PHF21A: variants seen among roughly 807,000 people sequenced by gnomAD.
The protein encoded by PHF21A is BHC80a.
Under a neutral mutation model 82.5 loss-of-function variants are expected in PHF21A, and 11 were observed. That is an observed-to-expected ratio of 0.13 (90% CI 0.08 to 0.22). PHF21A has a LOEUF of 0.22. Ranked by LOEUF, PHF21A falls within the 10% of genes least tolerant of loss-of-function variation. The probability of loss-of-function intolerance (pLI) is 1.00; values close to 1 mark genes in which losing one functional copy is unlikely to be tolerated. For missense variants in PHF21A, 579 were observed against 837.8 expected (o/e 0.69, Z 3.81); for synonymous variants, 297 against 302.8 (o/e 0.98, Z 0.20).
At chr11:46,068,055 GCA>G (rs2096614700) in intron 6 of PHF21A, among the ~76,000 whole-genome samples, 1 of 152,108 alleles carries the variant, frequency 6.6e-6, no homozygotes, top group Admixed American at 6.5e-5. Flanking sequence ...TGTGAAGAAG[GCA>G]CAGTCTTGAG....
chr11:45,949,325 T>C, intron 13 of PHF21A, 77 bp downstream of exon 13: 1 of 1,206,106 alleles, frequency 8.3e-7, no homozygotes, highest in East Asian at 2.3e-5. Context: ...TTCAGCAGGT[T>C]TTCAGAGGGG....
At chr11:46,036,480 T>C (rs2096006590) in intron 6 of PHF21A, among the ~76,000 whole-genome samples, 1 of 152,216 alleles carries the variant, frequency 6.6e-6, no homozygotes, top group African/African-American at 2.4e-5. Flanking sequence ...AAGAGAATTA[T>C]AGTAAATTTA....
At chr11:46,037,863 G>C (rs1300176765) in intron 6 of PHF21A, among the ~76,000 whole-genome samples, 2 of 151,844 alleles carry the variant, frequency 1.3e-5, no homozygotes, top group Non-Finnish European at 2.9e-5. Context: ...AAGATCTGAG[G>C]CTTTTTCAGC....
intron 8 of PHF21A, chr11:45,970,582 AT>A (rs66611953): frequency 1.1e-4 from 16 of 149,396 alleles, no homozygotes; most frequent in African/African-American, 2.2e-4. Context: ...CCTTAAAGGG[AT>A]TTTTTTTTTT....
chr11:46,103,837 T>C (rs2097125351), intron 1 of PHF21A, among the ~76,000 whole-genome samples: 2 of 152,208 alleles, frequency 1.3e-5, no homozygotes, highest in South Asian at 4.1e-4. Context: ...TTACACTTAA[T>C]GATCTTTCCC....
rs894630804 is a variant in PHF21A at position 46,068,612 on chromosome 11, T to G, written c.153+8142A>C. Among the ~76,000 whole-genome samples, 3 of 152,144 alleles carry G rather than the reference T, an allele frequency of 2.0e-5. No homozygotes were observed. The East Asian group carries it at 5.8e-4, about 29-fold the overall frequency. On this transcript the variant is annotated intron_variant, in intron 6 of 18. Coordinates refer to ENST00000676320, the MANE Select transcript of PHF21A (RefSeq NM_001352027.3). ...ACATTCCACAAACTTGGCCTTTGAT[T>G]TGATATTCATAGCTTGAAGCAACTG...
chr11:46,003,770 C>A (rs1374773768), intron 6 of PHF21A, among the ~76,000 whole-genome samples: 4 of 152,182 alleles, frequency 2.6e-5, no homozygotes, highest in Non-Finnish European at 4.4e-5. Flanking sequence ...CACACAAGTG[C>A]TTTTAAAAGC....
intron 6 of PHF21A, among the ~76,000 whole-genome samples, chr11:46,039,533 T>C (rs1330150145): frequency 6.6e-6 from 1 of 152,168 alleles, no homozygotes; most frequent in Non-Finnish European, 1.5e-5. Context: ...TCAGGAAGCT[T>C]GCAAGTGTCA....
intron 8 of PHF21A, chr11:45,970,900 C>T (rs2093704222): frequency 3.6e-6 from 2 of 557,218 alleles, no homozygotes; most frequent in African/African-American, 3.8e-5. Flanking sequence ...TCAGATAATG[C>T]ACTGAATTTA....
intron 6 of PHF21A, among the ~76,000 whole-genome samples, chr11:46,019,939 C>G (rs1282985472): frequency 1.3e-5 from 2 of 151,996 alleles, no homozygotes; most frequent in Non-Finnish European, 2.9e-5. Flanking sequence ...CATGTCATCT[C>G]ATTTCAAATT....
At chr11:46,058,759 G>C (rs2096493610) in intron 6 of PHF21A, among the ~76,000 whole-genome samples, 2 of 152,110 alleles carry the variant, frequency 1.3e-5, no homozygotes, top group Non-Finnish European at 2.9e-5. Context: ...CTGGCTCAAA[G>C]CAGGCTTATT....
intron 6 of PHF21A, among the ~76,000 whole-genome samples, chr11:45,987,073 G>C (rs2094514235): frequency 6.6e-6 from 1 of 152,042 alleles, no homozygotes; most frequent in Admixed American, 6.5e-5. Context: ...ATGCGTAAAA[G>C]AGATGCCCAA....
At chr11:46,097,104 GTCACCT>G (rs2097009398) in intron 1 of PHF21A, among the ~76,000 whole-genome samples, 1 of 152,002 alleles carries the variant, frequency 6.6e-6, no homozygotes, top group Non-Finnish European at 1.5e-5. Context: ...CCTGGTCCAA[GTCACCT>G]TCACCTTTCA....
chr11:46,033,160 T>C (rs758049202), intron 6 of PHF21A, among the ~76,000 whole-genome samples: 1 of 152,262 alleles, frequency 6.6e-6, no homozygotes, highest in Non-Finnish European at 1.5e-5. Context: ...CTGCAGTTCA[T>C]TCATTTTTTA....
intron 6 of PHF21A, among the ~76,000 whole-genome samples, chr11:46,048,197 ACTTT>A (rs996874880): frequency 6.6e-6 from 1 of 152,150 alleles, no homozygotes; most frequent in African/African-American, 2.4e-5. Context: ...CCATTAATTG[ACTTT>A]CTGTCTCCAG....
chr11:46,119,899 G>A (rs539017408), intron 1 of PHF21A: 1 of 147,018 alleles, frequency 6.8e-6, no homozygotes, highest in African/African-American at 2.5e-5. Flanking sequence ...CGGGGGCGCG[G>A]GCGGGGGAGG....
intron 6 of PHF21A, among the ~76,000 whole-genome samples, chr11:45,985,556 G>T (rs935695291): frequency 1.3e-5 from 2 of 152,186 alleles, no homozygotes; most frequent in African/African-American, 4.8e-5. Context: ...ACACAGGATA[G>T]AATTCTAACA....
intron 5 of PHF21A, among the ~76,000 whole-genome samples, chr11:46,078,117 C>CA (rs995335444): frequency 8.7e-5 from 13 of 149,584 alleles, no homozygotes; most frequent in Admixed American, 7.3e-4. Flanking sequence ...GTGACTATAC[C>CA]AAAAAAAAGA....
At chr11:46,057,021 G>A (rs539603389) in intron 6 of PHF21A, among the ~76,000 whole-genome samples, 1 of 152,088 alleles carries the variant, frequency 6.6e-6, no homozygotes, top group East Asian at 1.9e-4. Flanking sequence ...GTTATAGTAA[G>A]TGCCGAAAAA....
Sources: gnomAD v4.1 joint callset for allele counts (sites outside exome capture counted in the v4.1 genomes callset) on GRCh38, gnomAD v4.1.1 for gene constraint, MANE v1.5 for transcripts, NCBI Gene and HGNC (gene_info 2026-07-23, HGNC 2026-07-21) for gene names.